ZNF804B: variants seen among roughly 807,000 people sequenced by gnomAD.
ZNF804B encodes the protein zinc finger 804B.
ZNF804B carries 80 observed loss-of-function variants against 101.4 expected under a neutral mutation model. The observed-to-expected ratio is 0.79, with a 90% CI of 0.66 to 0.95. The LOEUF is 0.95. Among genes scored for constraint, ZNF804B ranks in the 40% least tolerant of loss-of-function variants. The pLI, the probability that ZNF804B is intolerant of heterozygous loss-of-function variation, is 0.00. For synonymous variants in ZNF804B, 622 were observed against 558.8 expected (o/e 1.11, Z -1.59); for missense variants, 1,673 against 1,561.9 (o/e 1.07, Z -1.20).
rs115483757 is a variant in ZNF804B, at chr7:88,763,342, C to G, written c.108+3258C>G. ...AGAAATAAAGCATTTTACCCCCAAA[C>G]AGTTTTTGCAGATCAGTAAACTGAA... On this transcript the variant is annotated intron_variant, in intron 1 of 3. Coordinates refer to ENST00000333190, the MANE Select transcript of ZNF804B (RefSeq NM_181646.5). Among the ~76,000 whole-genome samples the G allele has an allele frequency of 2.2e-3, 332 of 152,154 alleles. 2 individuals carry two copies. The highest frequency in any genetic ancestry group is 7.7e-3 in the African/African-American group (321 of 41,558).
chr7:88,760,224 A>G, intron 1 of ZNF804B, 140 bp downstream of exon 1: 2 of 661,782 alleles, frequency 3.0e-6, no homozygotes, highest in Non-Finnish European at 5.3e-6. Flanking sequence ...GTATGGAGAT[A>G]CATCGTGTCC....
intron 1 of ZNF804B, among the ~76,000 whole-genome samples, chr7:89,163,980 G>A (rs1410872819): frequency 6.6e-6 from 1 of 151,018 alleles, no homozygotes; most frequent in Non-Finnish European, 1.5e-5. Context: ...TTACGCAAGG[G>A]AATGACCATT....
chr7:89,198,704 A>G (rs1205308729), intron 1 of ZNF804B, among the ~76,000 whole-genome samples: 1 of 151,994 alleles, frequency 6.6e-6, no homozygotes, highest in African/African-American at 2.4e-5. Flanking sequence ...TTTATAAAGT[A>G]GTAAGAATAC....
At chr7:89,314,016 C>T (rs1216739118) in intron 2 of ZNF804B, among the ~76,000 whole-genome samples, 1 of 152,082 alleles carries the variant, frequency 6.6e-6, no homozygotes, top group Admixed American at 6.6e-5. Context: ...CCCTATTTCC[C>T]TCTAGGAAAT....
chr7:89,330,862 A>G (rs77855672), intron 3 of ZNF804B, among the ~76,000 whole-genome samples: 3,195 of 151,342 alleles, frequency 0.021, 104 homozygotes, highest in African/African-American at 0.073. Flanking sequence ...GAATGTAAAA[A>G]GAAGAAGCTT....
intron 2 of ZNF804B, among the ~76,000 whole-genome samples, chr7:89,229,780 G>A (rs6970698): frequency 0.72 from 108,797 of 152,018 alleles, 39,616 homozygotes; most frequent in African/African-American, 0.78. Flanking sequence ...TCCAACTCAC[G>A]TAAAACATTC....
intron 1 of ZNF804B, among the ~76,000 whole-genome samples, chr7:88,977,391 G>T (rs1793631292): frequency 6.6e-6 from 1 of 151,104 alleles, no homozygotes; most frequent in African/African-American, 2.4e-5. Flanking sequence ...TTTCTTTGAT[G>T]GTAGACTTTT....
intron 1 of ZNF804B, among the ~76,000 whole-genome samples, chr7:89,082,811 TA>T (rs1789715512): frequency 6.6e-6 from 1 of 151,792 alleles, no homozygotes; most frequent in African/African-American, 2.4e-5. Context: ...TGTAGCGATC[TA>T]AATAAGTGTA....
intron 1 of ZNF804B, among the ~76,000 whole-genome samples, chr7:89,051,731 T>C (rs979384404): frequency 2.0e-5 from 3 of 152,170 alleles, no homozygotes; most frequent in African/African-American, 7.2e-5. Context: ...GTTTCCTTTG[T>C]TTATCAAATA....
chr7:89,166,851 G>A (rs923845058), intron 1 of ZNF804B, among the ~76,000 whole-genome samples: 3 of 152,140 alleles, frequency 2.0e-5, no homozygotes, highest in African/African-American at 7.2e-5. Context: ...AGAGGGTTAT[G>A]AAATTATTAC....
At chr7:89,142,658 G>A (rs1790733913) in intron 1 of ZNF804B, among the ~76,000 whole-genome samples, 1 of 151,982 alleles carries the variant, frequency 6.6e-6, no homozygotes, top group Non-Finnish European at 1.5e-5. Flanking sequence ...GCTTGCCTGG[G>A]CACAATGGTT....
chr7:89,043,126 C>T (rs368509885), intron 1 of ZNF804B, among the ~76,000 whole-genome samples: 8 of 152,078 alleles, frequency 5.3e-5, no homozygotes, highest in South Asian at 4.1e-4. Context: ...AAACTTGAGA[C>T]GCTCCTTTAA....
At chr7:89,238,134 AG>A (rs2115755638) in intron 2 of ZNF804B, among the ~76,000 whole-genome samples, 1 of 152,238 alleles carries the variant, frequency 6.6e-6, no homozygotes, top group South Asian at 2.1e-4. Context: ...ATTAGATCAA[AG>A]CACAAGTAAA....
intron 2 of ZNF804B, among the ~76,000 whole-genome samples, chr7:89,262,101 C>A (rs944953078): frequency 1.3e-5 from 2 of 152,112 alleles, no homozygotes; most frequent in Admixed American, 1.3e-4. Context: ...ATGAAAATAC[C>A]TTGTGAACTT....
intron 1 of ZNF804B, among the ~76,000 whole-genome samples, chr7:89,060,427 G>T (rs566342083): frequency 6.6e-6 from 1 of 152,092 alleles, no homozygotes; most frequent in South Asian, 2.1e-4. Flanking sequence ...AATTATTATT[G>T]GTGCTATGAA....
intron 1 of ZNF804B, among the ~76,000 whole-genome samples, chr7:89,115,773 T>G (rs1790301273): frequency 6.6e-6 from 1 of 152,236 alleles, no homozygotes; most frequent in Non-Finnish European, 1.5e-5. Context: ...GATAGTTCTT[T>G]GTAGTTTTTA....
In ZNF804B at chr7:88,882,247, C is replaced by A. The variant is rs553921105; in HGVS notation, c.108+122163C>A. On this transcript the variant is annotated intron_variant, in intron 1 of 3. Coordinates refer to ENST00000333190, the MANE Select transcript of ZNF804B (RefSeq NM_181646.5). The stretch of plus-strand genomic sequence containing the variant: ...CAGACACTTTTCAAAAGAAGACATA[C>A]AAATGGCCAATAATATATTAAAAAA... 3.9e-5 allele frequency among the ~76,000 whole-genome samples: 6 copies of A among 152,194 alleles called. No homozygotes were observed. In the South Asian group the frequency reaches 1.0e-3, roughly 26 times the overall value.
intron 1 of ZNF804B, among the ~76,000 whole-genome samples, chr7:89,171,353 T>TTCCTCCTCC (rs1562904560): frequency 4.2e-5 from 4 of 94,870 alleles, no homozygotes; most frequent in Non-Finnish European, 9.2e-5. Context: ...CTTCTTCTTC[T>TTCCTCCTCC]TCTTCCTCCT....
chr7:88,813,422 C>T (rs1790822479), intron 1 of ZNF804B, among the ~76,000 whole-genome samples: 2 of 99,676 alleles, frequency 2.0e-5, no homozygotes, highest in African/African-American at 9.6e-5. Context: ...GAGACTCCAT[C>T]TAAAAAAAAA....
Sources: allele counts gnomAD v4.1 joint callset (sites outside exome capture counted in the v4.1 genomes callset), GRCh38; gene constraint gnomAD v4.1.1; transcripts MANE v1.5; gene names NCBI Gene and HGNC (gene_info 2026-07-23, HGNC 2026-07-21).